SNRK: variants seen among roughly 807,000 people sequenced by gnomAD.
SNRK encodes the protein SNF related kinase, also known as SNF-related serine/threonine-protein kinase.
A neutral mutation model predicts 48.2 loss-of-function variants in SNRK; 3 were observed. The observed-to-expected ratio is 0.06, with a 90% CI of 0.03 to 0.16. SNRK has a LOEUF of 0.16. Among genes scored for constraint, SNRK ranks in the 10% least tolerant of loss-of-function variants. The pLI, the probability that SNRK is intolerant of heterozygous loss-of-function variation, is 1.00. For synonymous variants in SNRK, 376 were observed against 366.1 expected, an observed-to-expected ratio of 1.03 and a Z score of -0.31; for missense variants, 627 against 976.0, an observed-to-expected ratio of 0.64 and a Z score of 4.76.
Position 43,348,681 on chromosome 3 carries a change from C to A in SNRK, c.*124C>A. 2 of 1,056,036 alleles carry A rather than the reference C, an allele frequency of 1.9e-6. No homozygotes were observed. Among genetic ancestry groups the A allele is most frequent in the Non-Finnish European group, 2.5e-6 (2 of 791,882 alleles). The allele number at this position is 1,056,036 out of a possible 1,614,324, so 65.4% of individuals were successfully genotyped here. On this transcript the variant is annotated 3_prime_UTR_variant, in exon 7 of 7. Transcript: ENST00000296088. ...TTAGGAGCAATTATTTATTACCTTT[C>A]CATTTGTTCGCCTGATGATGTGACA...
At chr3:43,329,309 G>C (rs1273928299) in intron 3 of SNRK, among the ~76,000 whole-genome samples, 1 of 152,070 alleles carries the variant, frequency 6.6e-6, no homozygotes, top group African/African-American at 2.4e-5. Context: ...GTGGTGGCGG[G>C]TGCCTGTAGT....
Position 43,348,072 on chromosome 3 carries a change from G to A in SNRK, c.1813G>A (p.Gly605Arg). The change falls in exon 7 of 7, where the codon GGG (glycine) becomes AGG (arginine). Residue 605 changes from glycine (G) to arginine (R), a missense_variant. Physicochemically the swap from Gly to Arg is moderately radical, Grantham distance 125. Coordinates refer to ENST00000296088, the MANE Select transcript of SNRK (RefSeq NM_017719.5). ...CAGCCCCAGTGAGAACAATGCTGGT[G>A]GGGGCAGTCCCTCCAGCGGCTCGGG... ...KASPSENNAGGGSPSSGSGGN... is the reference protein window; with the variant it reads ...KASPSENNAGRGSPSSGSGGN... 1 of 1,600,600 alleles carries A rather than the reference G, an allele frequency of 6.2e-7. No individual in the cohort carries two copies. Among genetic ancestry groups the A allele is most frequent in the South Asian group, 1.1e-5 (1 of 89,146 alleles).
At chr3:43,301,410 G>A (rs2090896809) in intron 2 of SNRK, among the ~76,000 whole-genome samples, 1 of 152,062 alleles carries the variant, frequency 6.6e-6, no homozygotes, top group African/African-American at 2.4e-5. Context: ...GTGAATCCTA[G>A]GTTTTGTAGT....
chr3:43,317,278 C>T (rs985370556), intron 3 of SNRK, among the ~76,000 whole-genome samples: 1 of 152,104 alleles, frequency 6.6e-6, no homozygotes, highest in Non-Finnish European at 1.5e-5. Context: ...GGCAGGTTTT[C>T]TTTCCTTTGT....
chr3:43,303,795 A>G lies in SNRK; in HGVS notation c.589+3A>G, dbSNP rs766970756. The G allele has an allele frequency of 1.6e-5, 25 of 1,601,170 alleles. No homozygotes were observed. In the Admixed American group the frequency reaches 1.8e-4, roughly 12 times the overall value. On this transcript the variant is annotated splice_donor_region_variant and intron_variant, in intron 3 of 6. Coordinates refer to ENST00000296088, the MANE Select transcript of SNRK (RefSeq NM_017719.5). This position sits in a 1 kb window ranked among gnomAD's most constrained non-coding sequence, Gnocchi z 6.2. ...TGAGTATGATGCACCTGCAGTAGGT[A>G]GGTAACCTCGGTCCAGTATTTGGCC...
intron 1 of SNRK, among the ~76,000 whole-genome samples, chr3:43,297,315 CTTT>C (rs2090863527): frequency 6.6e-6 from 1 of 152,082 alleles, no homozygotes; most frequent in East Asian, 1.9e-4. Flanking sequence ...TTACTTTCTT[CTTT>C]GTGCTTTTAT....
chr3:43,292,930 T>C (rs1376718405), intron 1 of SNRK, among the ~76,000 whole-genome samples: 1 of 152,232 alleles, frequency 6.6e-6, no homozygotes, highest in Non-Finnish European at 1.5e-5. Flanking sequence ...GATATACATG[T>C]GCCATGGTGG....
intron 1 of SNRK, among the ~76,000 whole-genome samples, chr3:43,298,868 A>T (rs1431109424): frequency 6.6e-6 from 1 of 152,176 alleles, no homozygotes; most frequent in African/African-American, 2.4e-5. Flanking sequence ...TCGGATGATG[A>T]AGGTGCTTTG....
chr3:43,319,910 A>G (rs1001682354), intron 3 of SNRK, among the ~76,000 whole-genome samples: 19 of 152,156 alleles, frequency 1.2e-4, no homozygotes, highest in African/African-American at 1.7e-4. Flanking sequence ...AGATACAAAC[A>G]TGCATTTTGG....
chr3:43,322,892 CA>C, intron 3 of SNRK, among the ~76,000 whole-genome samples: 1 of 142,438 alleles, frequency 7.0e-6, no homozygotes, highest in South Asian at 2.2e-4. Context: ...GCGGAGCTTA[CA>C]GTGAGCCGAG....
chr3:43,338,756 ATTTTG>A (rs945716209), intron 4 of SNRK, among the ~76,000 whole-genome samples: 5 of 151,126 alleles, frequency 3.3e-5, no homozygotes, highest in African/African-American at 4.9e-5. Context: ...TTGTTTATTG[ATTTTG>A]TTTTTAGTTA....
In SNRK at chr3:43,347,198, G is replaced by A; in HGVS notation, c.1080-141G>A. On this transcript the variant is annotated intron_variant, in intron 6 of 6. Transcript: ENST00000296088. The surrounding 1 kb of genome is among the most constrained non-coding windows in gnomAD (Gnocchi z 5.4). ...CTGGTGGCCTTGCTGATGTTTACAG[G>A]ATGTTGAATGGGTTTGCAAGGCTGC... The A allele has an allele frequency of 1.2e-6, 1 of 835,618 alleles. No individual in the cohort carries two copies. The highest frequency in any genetic ancestry group is 2.3e-5 in the South Asian group (1 of 44,048). 51.8% of individuals were successfully genotyped at this position (835,618 alleles called of 1,614,324 possible).
chr3:43,290,500 G>T (rs541252558), intron 1 of SNRK, among the ~76,000 whole-genome samples: 2 of 152,250 alleles, frequency 1.3e-5, no homozygotes, highest in African/African-American at 4.8e-5. Context: ...AGCCTCCTGT[G>T]CATTGAGTTC....
At chr3:43,292,882 C>G (rs2090823688) in intron 1 of SNRK, among the ~76,000 whole-genome samples, 1 of 151,986 alleles carries the variant, frequency 6.6e-6, no homozygotes, top group Non-Finnish European at 1.5e-5. Context: ...TTTTTAAGTA[C>G]TGGGATACAT....
At chr3:43,301,089 G>C (rs571762455) in intron 2 of SNRK, among the ~76,000 whole-genome samples, 2 of 152,240 alleles carry the variant, frequency 1.3e-5, no homozygotes, top group African/African-American at 4.8e-5. Context: ...TATGTGACTG[G>C]TGTGTAATAC....
intron 1 of SNRK, among the ~76,000 whole-genome samples, chr3:43,292,955 G>C (rs984573068): frequency 2.0e-5 from 3 of 152,124 alleles, no homozygotes; most frequent in African/African-American, 7.2e-5. Context: ...CTGAACTGTA[G>C]GTCCTGTTTT....
rs1198978638 is a variant in SNRK, at chr3:43,289,326, G to A, written c.-169+2651G>A. On this transcript the variant is annotated intron_variant, in intron 1 of 6. Transcript: ENST00000296088. ...AGACAAGGTCAAGTGGTGGGTGGGA[G>A]AAGAACATAGATCCAAGTGGGTGAA... Among the ~76,000 whole-genome samples, 3 of 152,266 alleles carry A rather than the reference G, an allele frequency of 2.0e-5. No individual in the cohort carries two copies. In the East Asian group the frequency reaches 5.8e-4, roughly 29 times the overall value.
chr3:43,347,929 A>G lies in SNRK; in HGVS notation c.1670A>G (p.Asp557Gly). 2 of 1,614,136 alleles carry G rather than the reference A, an allele frequency of 1.2e-6. No homozygotes were observed. Among genetic ancestry groups the G allele is most frequent in the Non-Finnish European group, 1.7e-6 (2 of 1,180,036 alleles). Residue 557 changes from aspartate to glycine, a missense_variant, in exon 7 of 7, where the codon GAT (aspartate) becomes GGT (glycine). Transcript: ENST00000296088. This position sits in a 1 kb window ranked among gnomAD's most constrained non-coding sequence, Gnocchi z 5.4. ...DSESRRRLDK[D>G]SGFTYSWHRR... ...GAAAGCCGGCGGCGGCTCGATAAAG[A>G]TAGCGGGTTCACCTACTCCTGGCAC...
At chr3:43,323,666 T>C (rs1192621487) in intron 3 of SNRK, among the ~76,000 whole-genome samples, 2 of 152,218 alleles carry the variant, frequency 1.3e-5, no homozygotes, top group Non-Finnish European at 2.9e-5. Flanking sequence ...TACACACTTT[T>C]TTTGTGACTT....
Sources: gnomAD v4.1 joint callset for allele counts (sites outside exome capture counted in the v4.1 genomes callset) on GRCh38, gnomAD v4.1.1 for gene constraint, Gnocchi (gnomAD v3.1) non-coding constraint, MANE v1.5 for transcripts, NCBI Gene and HGNC (gene_info 2026-07-23, HGNC 2026-07-21) for gene names.